The following PCGF5 variants were observed in gnomAD, a reference collection of about 807,000 sequenced individuals.
PCGF5 encodes the protein polycomb group RING finger protein 5.
A neutral mutation model predicts 44.3 loss-of-function variants in PCGF5; 9 were observed. The ratio of observed to expected loss-of-function variants is 0.20; its 90% CI spans 0.12 to 0.35. PCGF5 has a LOEUF of 0.35. Among genes scored for constraint, PCGF5 ranks in the 10% least tolerant of loss-of-function variants. The pLI is 1.00. For synonymous variants in PCGF5, 95 were observed against 102.5 expected (o/e 0.93, Z 0.44); for missense variants, 146 against 305.3 (o/e 0.48, Z 3.89).
intron 1 of PCGF5, among the ~76,000 whole-genome samples, chr10:91,195,769 A>G (rs1844122939): frequency 1.3e-5 from 2 of 151,584 alleles, no homozygotes; most frequent in East Asian, 1.9e-4. Flanking sequence ...TTTAAATGCT[A>G]TCTTAGACTG....
In PCGF5 at chr10:91,240,566, A is replaced by G; in HGVS notation, c.195A>G (p.Pro65=). 1 of 1,607,252 alleles carries G rather than the reference A, an allele frequency of 6.2e-7. No homozygotes were observed. The highest frequency in any genetic ancestry group is 8.5e-7 in the Non-Finnish European group (1 of 1,174,780). Residue 65 remains proline, a synonymous_variant, in exon 3 of 10, where the codon CCA becomes CCG. Coordinates refer to ENST00000336126, the MANE Select transcript of PCGF5 (RefSeq NM_032373.5). ...RCGNQVHETN[P]LEMLRLDNTL... ...GCAACCAAGTTCATGAGACAAATCC[A>G]TTAGAAATGTTGAGGTAAGGATGTT...
chr10:91,193,956 G>A (rs987487820), intron 1 of PCGF5, among the ~76,000 whole-genome samples: 12 of 152,204 alleles, frequency 7.9e-5, no homozygotes, highest in Non-Finnish European at 1.5e-4. Context: ...ATGTAAGAGA[G>A]AGAGGAGTTT....
At chr10:91,201,287 G>A (rs1844247752) in intron 1 of PCGF5, among the ~76,000 whole-genome samples, 1 of 152,154 alleles carries the variant, frequency 6.6e-6, no homozygotes, top group South Asian at 2.1e-4. Flanking sequence ...ATCACATGGT[G>A]AGGGGCTGAG....
chr10:91,247,030 A>G (rs1039532543), intron 3 of PCGF5, among the ~76,000 whole-genome samples: 1 of 151,910 alleles, frequency 6.6e-6, no homozygotes, highest in Non-Finnish European at 1.5e-5. Flanking sequence ...TAATCTGCCT[A>G]TATGTTAGTT....
In PCGF5 at chr10:91,278,948, A is replaced by G. The variant is rs1035295162; in HGVS notation, c.*632A>G. The G allele has an allele frequency of 6.6e-6, 1 of 152,608 alleles. No individual in the cohort carries two copies. Among genetic ancestry groups the G allele is most frequent in the Admixed American group, 6.5e-5 (1 of 15,272 alleles). The allele number at this position is 152,608 out of a possible 1,614,324, so 9.5% of individuals were successfully genotyped here. A position where few individuals can be genotyped will look rare whatever the true frequency, so the allele number is the denominator to read the frequency against. On this transcript the variant is annotated 3_prime_UTR_variant, in exon 10 of 10. Coordinates refer to ENST00000336126, the MANE Select transcript of PCGF5 (RefSeq NM_032373.5). ...AAGCATCTGTCCGTGTAGTCTACCA[A>G]TTGCACAAGGAAGGCATGTTAGCCC...
intron 3 of PCGF5, among the ~76,000 whole-genome samples, chr10:91,241,539 C>A (rs897482230): frequency 2.0e-5 from 3 of 152,110 alleles, no homozygotes; most frequent in Non-Finnish European, 4.4e-5. Flanking sequence ...GACCCATTTT[C>A]ATTTCATTGT....
intron 1 of PCGF5, among the ~76,000 whole-genome samples, chr10:91,177,569 T>C (rs959702116): frequency 1.3e-5 from 2 of 152,210 alleles, no homozygotes; most frequent in Non-Finnish European, 2.9e-5. Flanking sequence ...TCGAGCTTCC[T>C]GGCCGCTTTG....
upstream of PCGF5, among the ~76,000 whole-genome samples, chr10:91,217,803 T>G (rs1347722980): frequency 6.6e-6 from 1 of 152,214 alleles, no homozygotes; most frequent in African/African-American, 2.4e-5. Flanking sequence ...TGTTTTTTCT[T>G]TAGACATAGT....
At chr10:91,251,712 A>G (rs890084356) in intron 6 of PCGF5, among the ~76,000 whole-genome samples, 2 of 151,890 alleles carry the variant, frequency 1.3e-5, no homozygotes, top group African/African-American at 4.8e-5. Context: ...ATTCATATGC[A>G]TGGTTTCTGT....
At chr10:91,257,537 A>G (rs1413932803) in intron 6 of PCGF5, among the ~76,000 whole-genome samples, 1 of 152,032 alleles carries the variant, frequency 6.6e-6, no homozygotes, top group Non-Finnish European at 1.5e-5. Flanking sequence ...TCCTGTATAT[A>G]CTGGTTTTTT....
chr10:91,203,926 C>T (rs75869966), intron 1 of PCGF5, among the ~76,000 whole-genome samples: 1,592 of 152,166 alleles, frequency 0.01, 32 homozygotes, highest in African/African-American at 0.036. Context: ...CTGAAATGAG[C>T]GTTATGTCAG....
chr10:91,228,658 T>C (rs1354358614), intron 2 of PCGF5, among the ~76,000 whole-genome samples: 1 of 152,216 alleles, frequency 6.6e-6, no homozygotes, highest in East Asian at 1.9e-4. Flanking sequence ...TTACCAACCA[T>C]TTATTGTTTT....
intron 1 of PCGF5, among the ~76,000 whole-genome samples, chr10:91,209,036 G>T (rs1378008055): frequency 1.3e-5 from 2 of 152,156 alleles, no homozygotes; most frequent in African/African-American, 4.8e-5. Context: ...TAGGCAGATT[G>T]TTGTTGGCAC....
At chr10:91,275,110 A>G (rs1310365828) in intron 9 of PCGF5, among the ~76,000 whole-genome samples, 1 of 152,200 alleles carries the variant, frequency 6.6e-6, no homozygotes, top group Non-Finnish European at 1.5e-5. Context: ...CAAAAATATC[A>G]TAAAATATAT....
chr10:91,189,014 A>G (rs1054463990), intron 1 of PCGF5, among the ~76,000 whole-genome samples: 1 of 152,222 alleles, frequency 6.6e-6, no homozygotes, highest in African/African-American at 2.4e-5. Flanking sequence ...CTACTGAGAT[A>G]GGTGATTATG....
At chr10:91,236,202 C>A (rs1053185536) in intron 2 of PCGF5, among the ~76,000 whole-genome samples, 9 of 152,178 alleles carry the variant, frequency 5.9e-5, no homozygotes, top group Non-Finnish European at 5.9e-5. Context: ...CCTGGAGCTG[C>A]GCAGCCCAGG....
intron 1 of PCGF5, among the ~76,000 whole-genome samples, chr10:91,171,371 A>G (rs759387161): frequency 5.3e-5 from 8 of 152,136 alleles, no homozygotes; most frequent in Non-Finnish European, 8.8e-5. Context: ...GTAAAGCTGA[A>G]GTGGAGGAGA....
At chr10:91,272,211 T>G (rs889454343) in intron 9 of PCGF5, among the ~76,000 whole-genome samples, 2 of 152,218 alleles carry the variant, frequency 1.3e-5, no homozygotes, top group Non-Finnish European at 2.9e-5. Context: ...TGAACATGTG[T>G]CTGAGGAAAG....
intron 9 of PCGF5, among the ~76,000 whole-genome samples, chr10:91,277,510 G>A (rs1429075937): frequency 1.3e-5 from 2 of 152,102 alleles, no homozygotes; most frequent in African/African-American, 4.8e-5. Flanking sequence ...CGTGGCATAT[G>A]CCATATGCCT....
Sources: gnomAD v4.1 joint callset for allele counts (sites outside exome capture counted in the v4.1 genomes callset) on GRCh38, gnomAD v4.1.1 for gene constraint, MANE v1.5 for transcripts, NCBI Gene and HGNC (gene_info 2026-07-23, HGNC 2026-07-21) for gene names.